AFAP1L2: variants seen among roughly 807,000 people sequenced by gnomAD.
AFAP1L2 encodes actin filament-associated protein 1-like 2.
Under a neutral mutation model 99.3 loss-of-function variants are expected in AFAP1L2, and 46 were observed. The observed-to-expected ratio is 0.46, with a 90% CI of 0.37 to 0.59. The LOEUF (loss-of-function observed/expected upper bound fraction) is 0.59, where lower values mean the gene tolerates loss of function less well. Among genes scored for constraint, AFAP1L2 ranks in the 20% least tolerant of loss-of-function variants. AFAP1L2 has a pLI of 0.00. For synonymous variants in AFAP1L2, 397 were observed against 419.1 expected, an observed-to-expected ratio of 0.95 and a Z score of 0.64; for missense variants, 959 against 1,034.9, an observed-to-expected ratio of 0.93 and a Z score of 1.01.
the AFAP1L2 span, chr10:114,288,960 C>A: frequency 6.2e-7 from 1 of 1,611,614 alleles, no homozygotes; most frequent in South Asian, 1.1e-5. Flanking sequence ...AAGCCCTGGA[C>A]CTCGTCTTCA....
At chr10:114,370,551 A>G in intron 1 of AFAP1L2, among the ~76,000 whole-genome samples, 1 of 152,354 alleles carries the variant, frequency 6.6e-6, no homozygotes, top group African/African-American at 2.4e-5. Flanking sequence ...CTGATCCACT[A>G]GGGTAGCTAA....
At chr10:114,291,108 G>A (rs973871838), downstream of AFAP1L2, 9 of 1,262,584 alleles carry the variant, frequency 7.1e-6, no homozygotes, top group African/African-American at 8.9e-5. Flanking sequence ...TGCTGGGGGC[G>A]AGGTGGGTTG....
rs756184345 is a variant in AFAP1L2, at chr10:114,297,038, G to A, written c.2370C>T (p.Leu790=). ...CCACGACCGAGAGAGGCCTGTTCTT[G>A]AGTGTGGTTGCAGAGTTGACTGGGG... ...DCTPVNSATT[L]KNRPLSVVVT... is the part of the protein sequence containing the mutation. The change falls in exon 18 of 19, where the codon CTC becomes CTT. Residue 790 remains leucine, a synonymous_variant. Transcript: ENST00000304129. 8 of 1,614,096 alleles carry A rather than the reference G, an allele frequency of 5.0e-6. No individual in the cohort carries two copies. In the South Asian group the frequency reaches 7.7e-5, roughly 16 times the overall value.
intron 1 of AFAP1L2, among the ~76,000 whole-genome samples, chr10:114,400,169 C>A (rs1446190343): frequency 2.0e-5 from 3 of 152,180 alleles, no homozygotes; most frequent in Admixed American, 2.0e-4. Flanking sequence ...AAACATTTCC[C>A]GTTATGAAAG....
intron 4 of AFAP1L2, among the ~76,000 whole-genome samples, chr10:114,330,894 G>A (rs1248267187): frequency 5.3e-5 from 8 of 152,234 alleles, no homozygotes; most frequent in Non-Finnish European, 1.2e-4. Flanking sequence ...GTGGGTAACT[G>A]GGTGGTGGGT....
At chr10:114,382,257 A>G (rs935945890) in intron 1 of AFAP1L2, among the ~76,000 whole-genome samples, 1 of 68,778 alleles carries the variant, frequency 1.5e-5, no homozygotes, top group Admixed American at 1.6e-4. Context: ...GGATTGGGGG[A>G]AAATGTAAAT....
chr10:114,356,751 G>A (rs1196919091), intron 1 of AFAP1L2, among the ~76,000 whole-genome samples: 1 of 152,136 alleles, frequency 6.6e-6, no homozygotes, highest in Non-Finnish European at 1.5e-5. Context: ...ACCCAATTTC[G>A]AGTAGTTTTG....
chr10:114,335,351 A>G (rs1288838063), intron 2 of AFAP1L2, among the ~76,000 whole-genome samples: 1 of 152,108 alleles, frequency 6.6e-6, no homozygotes, highest in Admixed American at 6.6e-5. Context: ...GGTGGCTCAC[A>G]TCTGTAATCC....
chr10:114,379,942 A>G (rs2055379824), intron 1 of AFAP1L2, among the ~76,000 whole-genome samples: 1 of 152,168 alleles, frequency 6.6e-6, no homozygotes, highest in Admixed American at 6.5e-5. Context: ...GGGGCTTTGT[A>G]TGTTTTCTGT....
chr10:114,287,677 G>C, the AFAP1L2 span, among the ~76,000 whole-genome samples: 108,771 of 152,066 alleles, frequency 0.72, 40,998 homozygotes, highest in Non-Finnish European at 0.83. Context: ...CTGCTGCTTT[G>C]TTTGGTTGGA....
intron 6 of AFAP1L2, among the ~76,000 whole-genome samples, chr10:114,315,327 AC>A (rs1345747272): frequency 8.5e-5 from 13 of 152,128 alleles, no homozygotes; most frequent in African/African-American, 2.4e-4. Flanking sequence ...GGTAGTCACA[AC>A]CCCCTTTGAG....
chr10:114,350,655 G>A (rs1372364369), intron 1 of AFAP1L2, among the ~76,000 whole-genome samples: 1 of 152,180 alleles, frequency 6.6e-6, no homozygotes, highest in Admixed American at 6.5e-5. Flanking sequence ...GGCAGCCCCT[G>A]GCAGCTGATG....
At position 114,360,485 on chromosome 10, in the gene AFAP1L2, CTAGA is replaced by C. The variant is rs367617609; in HGVS notation, c.17-19758_17-19755del. Reference sequence around the variant, plus strand: ...GATAGATACCTCGATATCTCAATATCTAGATAGATAGATAGATAGATAGTTAGAT... The same window carrying C: ...GATAGATACCTCGATATCTCAATATCTAGATAGATAGATAGATAGTTAGAT... On this transcript the variant is annotated intron_variant, in intron 1 of 18. Coordinates refer to ENST00000304129, the MANE Select transcript of AFAP1L2 (RefSeq NM_001001936.3). Among the ~76,000 whole-genome samples the C allele has an allele frequency of 5.6e-3, 697 of 124,458 alleles. 2 individuals are homozygous for C. Among genetic ancestry groups the C allele is most frequent in the African/African-American group, 0.016 (588 of 36,426 alleles). The allele number at this position is 124,458 out of a possible 152,430, so 81.6% of individuals were successfully genotyped here. A position where few individuals can be genotyped will look rare whatever the true frequency, so the allele number is the denominator to read the frequency against.
intron 1 of AFAP1L2, among the ~76,000 whole-genome samples, chr10:114,387,046 C>A (rs996847509): frequency 1.3e-5 from 2 of 152,168 alleles, no homozygotes; most frequent in Admixed American, 1.3e-4. Context: ...ACAATTCCAC[C>A]CAACCCTGGG....
chr10:114,286,394 G>A, the AFAP1L2 span: 1 of 1,613,864 alleles, frequency 6.2e-7, no homozygotes, highest in Non-Finnish European at 8.5e-7. Context: ...GGCCGTGCGG[G>A]CAGAGCTGGA....
intron 4 of AFAP1L2, among the ~76,000 whole-genome samples, chr10:114,327,667 T>G (rs867040640): frequency 2.8e-4 from 43 of 152,222 alleles, no homozygotes; most frequent in African/African-American, 1.0e-3. Flanking sequence ...TATTGCTTGC[T>G]GTAGCTCAGA....
the AFAP1L2 span, among the ~76,000 whole-genome samples, chr10:114,283,667 T>A: frequency 0.081 from 12,299 of 152,294 alleles, 655 homozygotes; most frequent in East Asian, 0.25. Flanking sequence ...CATATAGGGT[T>A]TTTATAGTTC....
At chr10:114,360,993 A>G (rs541912177) in intron 1 of AFAP1L2, among the ~76,000 whole-genome samples, 4 of 152,194 alleles carry the variant, frequency 2.6e-5, no homozygotes, top group Non-Finnish European at 5.9e-5. Flanking sequence ...TTAATGGAGA[A>G]CTCGCAGTTC....
At chr10:114,323,593 G>A (rs1182112681) in intron 4 of AFAP1L2, among the ~76,000 whole-genome samples, 3 of 152,188 alleles carry the variant, frequency 2.0e-5, no homozygotes, top group South Asian at 4.1e-4. Flanking sequence ...TCCAGAGAGT[G>A]CCCGGCTGTT....
Sources: allele counts gnomAD v4.1 joint callset (sites outside exome capture counted in the v4.1 genomes callset), GRCh38; gene constraint gnomAD v4.1.1; transcripts MANE v1.5; gene names NCBI Gene and HGNC (gene_info 2026-07-23, HGNC 2026-07-21).